The following NNT variants were observed in gnomAD, a reference collection of about 807,000 sequenced individuals.
NNT encodes the protein nicotinamide nucleotide transhydrogenase, also known as NAD(P) transhydrogenase, mitochondrial.
Under a neutral mutation model 104.8 loss-of-function variants are expected in NNT, and 50 were observed. That is an observed-to-expected ratio of 0.48 (90% CI 0.38 to 0.60). The LOEUF (loss-of-function observed/expected upper bound fraction) is 0.60. Ranked by LOEUF, NNT falls within the 20% of genes least tolerant of loss-of-function variation. The probability of loss-of-function intolerance (pLI) is 0.00; values close to 1 mark genes in which losing one functional copy is unlikely to be tolerated. For missense variants in NNT, 1,131 were observed against 1,330.7 expected, an observed-to-expected ratio of 0.85 and a Z score of 2.33; for synonymous variants, 461 against 490.4, an observed-to-expected ratio of 0.94 and a Z score of 0.79.
chr5:43,633,420 G>C (rs1258882616), intron 7 of NNT, among the ~76,000 whole-genome samples: 1 of 152,088 alleles, frequency 6.6e-6, no homozygotes, highest in Non-Finnish European at 1.5e-5. Flanking sequence ...TGCACATATT[G>C]CTCCTTCTCT....
intron 19 of NNT, among the ~76,000 whole-genome samples, chr5:43,687,963 C>T (rs865837207): frequency 6.6e-6 from 1 of 151,992 alleles, no homozygotes; most frequent in African/African-American, 2.4e-5. Context: ...ACAAAATAAG[C>T]TAGAATCAAG....
At chr5:43,692,313 A>G (rs1742326881) in intron 19 of NNT, among the ~76,000 whole-genome samples, 1 of 152,004 alleles carries the variant, frequency 6.6e-6, no homozygotes, top group South Asian at 2.1e-4. Context: ...TAGACTGAAC[A>G]TGTGCTGATT....
Position 43,699,353 on chromosome 5 carries a change from CTTTTTTTT to C in NNT, c.2877-755_2877-748del, listed in dbSNP as rs11397352. Among the ~76,000 whole-genome samples, 675 of 122,494 alleles carry C rather than the reference CTTTTTTTT, an allele frequency of 5.5e-3. 9 individuals carry two copies. Among genetic ancestry groups the C allele is most frequent in the African/African-American group, 0.019 (623 of 31,968 alleles). 80.4% of individuals were successfully genotyped at this position (122,494 alleles called of 152,430 possible). ...GTATGACAACATTTTATCTCCCTAC[CTTTTTTTT>C]TTTTTTTTTTGAGACAAAGTCTTGC... On this transcript the variant is annotated intron_variant, in intron 19 of 21. Transcript: ENST00000344920.
chr5:43,672,982 G>T (rs1241189796), intron 17 of NNT, among the ~76,000 whole-genome samples: 1 of 152,230 alleles, frequency 6.6e-6, no homozygotes, highest in East Asian at 1.9e-4. Flanking sequence ...GCTCAGCAAT[G>T]GTGGGCGTCC....
chr5:43,662,760 G>A (rs1334674087), intron 17 of NNT, among the ~76,000 whole-genome samples: 1 of 152,110 alleles, frequency 6.6e-6, no homozygotes, highest in African/African-American at 2.4e-5. Flanking sequence ...GGGCATGGTG[G>A]CACATGCCTA....
intron 19 of NNT, among the ~76,000 whole-genome samples, chr5:43,695,522 G>A (rs1742512084): frequency 6.6e-6 from 1 of 152,200 alleles, no homozygotes; most frequent in African/African-American, 2.4e-5. Context: ...TATTCACTTT[G>A]AGGGACTGAG....
Position 43,612,975 on chromosome 5 carries a change from A to T in NNT, c.219A>T (p.Ala73=), listed in dbSNP as rs1017719570. ...TATTCCAAAATGAGAAGCGAGTGGCATTGTCTCCTGCTGGTGTTCAGAACT... is the reference window on the plus strand; with the variant it reads ...TATTCCAAAATGAGAAGCGAGTGGCTTTGTCTCCTGCTGGTGTTCAGAACT... The part of the protein sequence containing the change: ...KEIFQNEKRV[A]LSPAGVQNLV... The change falls in exon 3 of 22, where the codon GCA becomes GCT. Residue 73 remains alanine, a synonymous_variant. Coordinates refer to ENST00000344920, the MANE Select transcript of NNT (RefSeq NM_182977.3). The T allele has an allele frequency of 3.7e-6, 6 of 1,614,100 alleles. No individual in the cohort carries two copies. Among genetic ancestry groups the T allele is most frequent in the Non-Finnish European group, 5.1e-6 (6 of 1,180,016 alleles).
In NNT at chr5:43,648,802, A is replaced by G. The variant is rs144995023; in HGVS notation, c.1445-345A>G. On this transcript the variant is annotated intron_variant, in intron 10 of 21. Coordinates refer to ENST00000344920, the MANE Select transcript of NNT (RefSeq NM_182977.3). ...CCTCTGTAGGCCTGTAATCGGGAAT[A>G]AAAATGCTTATATAAACACATGTGG... is the stretch of plus-strand genomic sequence containing the variant. Among the ~76,000 whole-genome samples the G allele has an allele frequency of 6.5e-3, 984 of 152,354 alleles. 2 individuals carry two copies. The highest frequency in any genetic ancestry group is 9.8e-3 in the Non-Finnish European group (666 of 68,032).
intron 6 of NNT, among the ~76,000 whole-genome samples, chr5:43,627,768 TAA>T (rs749864583): frequency 2.4e-4 from 36 of 152,296 alleles, no homozygotes; most frequent in Admixed American, 7.8e-4. Context: ...ATTTTACATA[TAA>T]AGAGTTATTT....
intron 20 of NNT, 74 bp from the exon 21 acceptor site, chr5:43,702,547 C>T (rs947421800): frequency 1.1e-6 from 1 of 877,790 alleles, no homozygotes; most frequent in African/African-American, 1.7e-5. Context: ...GTAAAGATCA[C>T]TATAATTTGT....
chr5:43,651,104 A>G (rs932384510), intron 12 of NNT, among the ~76,000 whole-genome samples: 1 of 152,184 alleles, frequency 6.6e-6, no homozygotes, highest in Non-Finnish European at 1.5e-5. Context: ...AAATGTAACA[A>G]CCTACTAGGA....
rs34053391 is a variant in NNT at position 43,704,587 on chromosome 5, T to TA, written c.*189dup. 22,550 of 503,496 alleles carry TA rather than the reference T, an allele frequency of 0.045. 908 individuals are homozygous for TA. The highest frequency in any genetic ancestry group is 0.18 in the East Asian group (5,064 of 27,638). 31.2% of individuals were successfully genotyped at this position (503,496 alleles called of 1,614,324 possible). A position where few individuals can be genotyped will look rare whatever the true frequency, so the allele number is the denominator to read the frequency against. ...TTCAAAAGCAGTAATCCCTCAATTT[T>TA]AAAAAAGGATTGAAAATTCTAAATG... On this transcript the variant is annotated 3_prime_UTR_variant, in exon 22 of 22. Transcript: ENST00000344920.
chr5:43,653,962 A>G (rs916359972), intron 14 of NNT, among the ~76,000 whole-genome samples: 1 of 152,152 alleles, frequency 6.6e-6, no homozygotes, highest in African/African-American at 2.4e-5. Flanking sequence ...CTCAAAAAAA[A>G]AAAAAAAATT....
chr5:43,608,025 G>T (rs1340434691), intron 1 of NNT, among the ~76,000 whole-genome samples: 1 of 151,840 alleles, frequency 6.6e-6, no homozygotes, highest in African/African-American at 2.4e-5. Flanking sequence ...CCACCTCCCA[G>T]GTTCAACCAA....
chr5:43,663,955 G>T (rs1452920423), intron 17 of NNT, among the ~76,000 whole-genome samples: 1 of 152,174 alleles, frequency 6.6e-6, no homozygotes, highest in East Asian at 1.9e-4. Flanking sequence ...ATATAGCAGA[G>T]TTAATATGGT....
At chr5:43,619,190 T>C in intron 5 of NNT, 71 bp downstream of exon 5, 1 of 822,386 alleles carries the variant, frequency 1.2e-6, no homozygotes, top group Middle Eastern at 2.9e-4. Context: ...AGTCTTAAAA[T>C]ACAGTTATTT....
In NNT at chr5:43,684,857, A is replaced by G. The variant is rs985076011; in HGVS notation, c.2876+7051A>G. Among the ~76,000 whole-genome samples the G allele has an allele frequency of 4.6e-5, 7 of 152,230 alleles. No individual in the cohort carries two copies. The East Asian group carries it at 1.3e-3, about 29-fold the overall frequency. ...GAGTCTATCATATTTTTCACAGGTG[A>G]AATGCATAATTAAATGTAAAAAAAT... On this transcript the variant is annotated intron_variant, in intron 19 of 21. Transcript: ENST00000344920.
intron 18 of NNT, 110 bp downstream of exon 18, chr5:43,675,780 A>G: frequency 1.2e-6 from 1 of 818,678 alleles, no homozygotes; most frequent in Non-Finnish European, 1.8e-6. Flanking sequence ...TTTTGAAAAT[A>G]TAATGGAAAC....
intron 14 of NNT, among the ~76,000 whole-genome samples, chr5:43,654,305 T>G (rs1211119692): frequency 6.6e-6 from 1 of 152,238 alleles, no homozygotes; most frequent in African/African-American, 2.4e-5. Flanking sequence ...TTTATTGTTT[T>G]GTTTATTGTC....
Sources: allele counts gnomAD v4.1 joint callset (sites outside exome capture counted in the v4.1 genomes callset), GRCh38; gene constraint gnomAD v4.1.1; transcripts MANE v1.5; gene names NCBI Gene and HGNC (gene_info 2026-07-23, HGNC 2026-07-21).